The following NKAIN1 variants were observed in gnomAD, a reference collection of about 807,000 sequenced individuals.
The protein encoded by NKAIN1 is sodium/potassium-transporting ATPase subunit beta-1-interacting protein 1.
NKAIN1 carries 13 observed loss-of-function variants against 31.6 expected under a neutral mutation model. That is an observed-to-expected ratio of 0.41 (90% CI 0.27 to 0.65). NKAIN1 has a LOEUF of 0.65. NKAIN1 is among the 30% of genes least tolerant of loss of function. NKAIN1 has a pLI of 0.30. For missense variants in NKAIN1, 193 were observed against 262.2 expected (o/e 0.74, Z 1.82); for synonymous variants, 104 against 109.0 (o/e 0.95, Z 0.28).
intron 1 of NKAIN1, among the ~76,000 whole-genome samples, chr1:31,200,884 A>G (rs1181529549): frequency 6.6e-6 from 1 of 151,366 alleles, no homozygotes; most frequent in Admixed American, 6.6e-5. Flanking sequence ...CCCAGGCTGG[A>G]GCGCAGTGGT....
chr1:31,236,250 C>T (rs574082806), intron 1 of NKAIN1, among the ~76,000 whole-genome samples: 1 of 152,286 alleles, frequency 6.6e-6, no homozygotes, highest in African/African-American at 2.4e-5. Flanking sequence ...ATCTGAAAGG[C>T]ACAGTCCCTA....
At chr1:31,217,028 G>C (rs1415425372) in intron 1 of NKAIN1, among the ~76,000 whole-genome samples, 1 of 152,200 alleles carries the variant, frequency 6.6e-6, no homozygotes, top group East Asian at 1.9e-4. Context: ...ACCACGCCCA[G>C]GTAATTTTTG....
chr1:31,211,552 C>T (rs1645469158), intron 1 of NKAIN1, among the ~76,000 whole-genome samples: 1 of 151,126 alleles, frequency 6.6e-6, no homozygotes, highest in African/African-American at 2.4e-5. Context: ...AATGGTAATA[C>T]TTCCCAAATT....
At chr1:31,193,615 G>A (rs916943004) in intron 1 of NKAIN1, among the ~76,000 whole-genome samples, 4 of 152,006 alleles carry the variant, frequency 2.6e-5, no homozygotes, top group African/African-American at 9.7e-5. Flanking sequence ...AGAATTACTT[G>A]AACCCGGGAG....
intron 1 of NKAIN1, among the ~76,000 whole-genome samples, chr1:31,208,146 C>T (rs999532260): frequency 1.3e-5 from 2 of 152,158 alleles, no homozygotes; most frequent in Non-Finnish European, 2.9e-5. Context: ...CAAATCCCCA[C>T]TCCATCATTT....
intron 1 of NKAIN1, among the ~76,000 whole-genome samples, chr1:31,238,598 T>C (rs1190215759): frequency 1.3e-5 from 2 of 152,182 alleles, no homozygotes; most frequent in South Asian, 2.1e-4. Flanking sequence ...CACTCCTCCC[T>C]GAGACAAGAA....
intron 1 of NKAIN1, among the ~76,000 whole-genome samples, chr1:31,229,521 T>C (rs973388054): frequency 1.3e-5 from 2 of 152,106 alleles, no homozygotes; most frequent in Admixed American, 1.3e-4. Context: ...AGGTGCATGC[T>C]ACCATGCCCA....
intron 1 of NKAIN1, among the ~76,000 whole-genome samples, chr1:31,201,989 A>G (rs1449223009): frequency 2.0e-5 from 3 of 151,800 alleles, no homozygotes; most frequent in African/African-American, 7.3e-5. Flanking sequence ...CCAGCCCTCT[A>G]CCTCCGCTGG....
chr1:31,185,038 C>A (rs1304308084), intron 3 of NKAIN1: 9 of 560,862 alleles, frequency 1.6e-5, no homozygotes, highest in Middle Eastern at 3.7e-4. Context: ...ATGGACTGCT[C>A]TTCAGCCTTA....
intron 1 of NKAIN1, among the ~76,000 whole-genome samples, chr1:31,215,498 T>C (rs1252762354): frequency 6.6e-6 from 1 of 152,108 alleles, no homozygotes; most frequent in Non-Finnish European, 1.5e-5. Flanking sequence ...CTCAGACAGG[T>C]GTAGGGGGTC....
At chr1:31,190,467 C>T (rs2148350786) in intron 1 of NKAIN1, among the ~76,000 whole-genome samples, 1 of 152,350 alleles carries the variant, frequency 6.6e-6, no homozygotes, top group South Asian at 2.1e-4. Context: ...AGTGACTTGT[C>T]CAAGGTCACA....
chr1:31,239,431 G>T lies in NKAIN1; in HGVS notation c.54+63C>A. The stretch of plus-strand genomic sequence containing the variant: ...GAGACACACGCAACCCCACCCGCAC[G>T]CCCTGGGACCGCGCCCCGCCGCGCC... On this transcript the variant is annotated intron_variant, in intron 1 of 6. Transcript: ENST00000373736. The surrounding 1 kb of genome is among the most constrained non-coding windows in gnomAD (Gnocchi z 4.8). 1.6e-6 allele frequency: 2 copies of T among 1,278,328 alleles called. No homozygotes were observed. Among genetic ancestry groups the T allele is most frequent in the South Asian group, 1.6e-5 (1 of 62,164 alleles). 79.2% of individuals were successfully genotyped at this position (1,278,328 alleles called of 1,614,324 possible). A position where few individuals can be genotyped will look rare whatever the true frequency, so the allele number is the denominator to read the frequency against.
At chr1:31,182,432 C>G in intron 5 of NKAIN1, 98 bp downstream of exon 5, 2 of 1,410,212 alleles carry the variant, frequency 1.4e-6, no homozygotes, top group Non-Finnish European at 2.0e-6. Flanking sequence ...CGTGGCCGAC[C>G]CTGGGCTCCC....
At position 31,225,486 on chromosome 1, in the gene NKAIN1, G is replaced by T. The variant is rs117745736; in HGVS notation, c.54+14008C>A. ...ATGGACTACAGGCACCCACCGACAT[G>T]CCTGGCTAATTTTTGTATTTTTAGT... is the stretch of plus-strand genomic sequence containing the variant. On this transcript the variant is annotated intron_variant, in intron 1 of 6. Coordinates refer to ENST00000373736, the MANE Select transcript of NKAIN1 (RefSeq NM_024522.3). Among the ~76,000 whole-genome samples the T allele has an allele frequency of 1.8e-3, 275 of 151,956 alleles. 5 individuals are homozygous for T. The East Asian group carries it at 0.026, about 14-fold the overall frequency.
chr1:31,209,827 GAA>G (rs374466999), intron 1 of NKAIN1, among the ~76,000 whole-genome samples: 8,033 of 149,828 alleles, frequency 0.054, 380 homozygotes, highest in Admixed American at 0.16. Context: ...TAAAAAGAAA[GAA>G]AAAAAAAGTT....
At chr1:31,215,494 C>G (rs931593023) in intron 1 of NKAIN1, among the ~76,000 whole-genome samples, 2 of 152,226 alleles carry the variant, frequency 1.3e-5, no homozygotes, top group African/African-American at 2.4e-5. Context: ...GAGGCTCAGA[C>G]AGGTGTAGGG....
chr1:31,201,381 C>G (rs1397291164), intron 1 of NKAIN1, among the ~76,000 whole-genome samples: 1 of 132,568 alleles, frequency 7.5e-6, no homozygotes, highest in African/African-American at 2.7e-5. Context: ...TTTTTTGAGA[C>G]GGAGTCTCTC....
chr1:31,218,064 CTTTCTTT>C (rs1359609909), intron 1 of NKAIN1, among the ~76,000 whole-genome samples: 33 of 141,718 alleles, frequency 2.3e-4, no homozygotes, highest in African/African-American at 8.0e-4. Flanking sequence ...TTCTTTCTTT[CTTTCTTT>C]TTTTTTTTTG....
At chr1:31,225,669 G>A (rs1407963439) in intron 1 of NKAIN1, among the ~76,000 whole-genome samples, 15 of 152,114 alleles carry the variant, frequency 9.9e-5, no homozygotes, top group Non-Finnish European at 1.5e-5. Flanking sequence ...CATTGTGTGA[G>A]GGTGGAGGTG....
Sources: gnomAD v4.1 joint callset for allele counts (sites outside exome capture counted in the v4.1 genomes callset) on GRCh38, gnomAD v4.1.1 for gene constraint, Gnocchi (gnomAD v3.1) non-coding constraint, MANE v1.5 for transcripts, NCBI Gene and HGNC (gene_info 2026-07-23, HGNC 2026-07-21) for gene names.